Variants in SLA observed in about 807,000 individuals in gnomAD.
The protein encoded by SLA is src-like-adapter.
A neutral mutation model predicts 30.3 loss-of-function variants in SLA; 16 were observed. The observed-to-expected ratio is 0.53, with a 90% CI of 0.36 to 0.80. The LOEUF is 0.80. Among genes scored for constraint, SLA ranks in the 30% least tolerant of loss-of-function variants. SLA has a pLI of 0.01. For missense variants in SLA, 310 were observed against 345.2 expected (o/e 0.90, Z 0.81); for synonymous variants, 143 against 137.8 (o/e 1.04, Z -0.26).
chr8:133,057,024 T>A (rs1408113377), intron 3 of SLA, among the ~76,000 whole-genome samples: 2 of 152,166 alleles, frequency 1.3e-5, no homozygotes, highest in Non-Finnish European at 2.9e-5. Flanking sequence ...CGAAGACCAC[T>A]TACTGAGAAG....
In SLA at chr8:133,050,803, A is replaced by G. The variant is rs1480614808; in HGVS notation, c.161+13T>C. The G allele has an allele frequency of 1.9e-6, 3 of 1,544,560 alleles. No individual in the cohort carries two copies. Among genetic ancestry groups the G allele is most frequent in the South Asian group, 1.1e-5 (1 of 89,754 alleles). ...GCTTTGAAGATTGCACAAGTTTTGG[A>G]GAGCTGACTCACTCAGAAATCACAC... On this transcript the variant is annotated intron_variant, in intron 4 of 8. Coordinates refer to ENST00000338087, the MANE Select transcript of SLA (RefSeq NM_001045556.3).
At position 133,045,102 on chromosome 8, in the gene SLA, C is replaced by T; in HGVS notation, c.366G>A (p.Leu122=). ...ESETKKGFYS[L]SVRHRQVKHY... is the part of the protein sequence containing the mutation. The stretch of plus-strand genomic sequence containing the variant: ...GCTTTACCTGCCTGTGTCTCACCGA[C>T]AGTGAGTAAAACCCTGCAGGAGGTG... Residue 122 remains leucine (L), a synonymous_variant, in exon 7 of 9, where the codon CTG becomes CTA. Transcript: ENST00000338087. The T allele has an allele frequency of 6.2e-7, 1 of 1,614,214 alleles. No individual in the cohort carries two copies. The highest frequency in any genetic ancestry group is 8.5e-7 in the Non-Finnish European group (1 of 1,180,022).
At chr8:133,084,266 G>C (rs556226283) in intron 1 of SLA, among the ~76,000 whole-genome samples, 12 of 152,284 alleles carry the variant, frequency 7.9e-5, no homozygotes, top group African/African-American at 2.2e-4. Flanking sequence ...CACTGCTCTA[G>C]CTCTTCTCCT....
At chr8:133,087,350 A>G (rs1846756879) in intron 1 of SLA, among the ~76,000 whole-genome samples, 1 of 152,150 alleles carries the variant, frequency 6.6e-6, no homozygotes, top group Non-Finnish European at 1.5e-5. Flanking sequence ...AGAGTATGAA[A>G]AGGATTGCAT....
chr8:133,095,931 T>C (rs1288649699), intron 1 of SLA, among the ~76,000 whole-genome samples: 6 of 152,206 alleles, frequency 3.9e-5, no homozygotes, highest in Non-Finnish European at 7.3e-5. Context: ...CTCACCCACC[T>C]ACAGGCTCAG....
rs553077666 is a variant in SLA at position 133,090,572 on chromosome 8, G to A, written c.-319+11981C>T. On this transcript the variant is annotated intron_variant, in intron 1 of 8. Transcript: ENST00000338087. ...GCTCCCCATCAGCCTAGGTTGTAAC[G>A]AGGAGTTTCATCAAGTTACATTGTA... Among the ~76,000 whole-genome samples the A allele has an allele frequency of 5.3e-5, 8 of 152,320 alleles. No homozygotes were observed. The East Asian group carries it at 1.3e-3, about 26-fold the overall frequency.
chr8:133,042,681 T>C lies in SLA; in HGVS notation c.484+2303A>G, dbSNP rs1482206554. ...CACAATTCCTCTCATTCTGTGTCTT[T>C]TTTTTTTTTTTTTTTTTTTTTTTTT... is the stretch of plus-strand genomic sequence containing the variant. On this transcript the variant is annotated intron_variant, in intron 7 of 8. Transcript: ENST00000338087. Among the ~76,000 whole-genome samples, 3 of 81,334 alleles carry C rather than the reference T, an allele frequency of 3.7e-5. No individual in the cohort carries two copies. The East Asian group carries it at 9.3e-4, about 25-fold the overall frequency. 53.4% of individuals were successfully genotyped at this position (81,334 alleles called of 152,430 possible). A position where few individuals can be genotyped will look rare whatever the true frequency, so the allele number is the denominator to read the frequency against.
At chr8:133,040,273 G>GT in intron 7 of SLA, 143 bp from the exon 8 acceptor site, 1 of 876,574 alleles carries the variant, frequency 1.1e-6, no homozygotes, top group Non-Finnish European at 1.7e-6. Flanking sequence ...GGCATGGTAG[G>GT]TGGTGACAAT....
In SLA at chr8:133,073,853, C is replaced by T. The variant is rs138583537; in HGVS notation, c.-41+1000G>A. ...GTGACTTGGACAAGCCACCTAACTT[C>T]TCTGAGCCTCATTTCCTCAGTTTTC... On this transcript the variant is annotated intron_variant, in intron 2 of 8. Transcript: ENST00000338087. 4.0e-3 allele frequency among the ~76,000 whole-genome samples: 602 copies of T among 152,268 alleles called. 4 individuals carry two copies. Among genetic ancestry groups the T allele is most frequent in the African/African-American group, 0.014 (574 of 41,532 alleles).
At position 133,038,609 on chromosome 8, in the gene SLA, C is replaced by T. The variant is rs200951688; in HGVS notation, c.746G>A (p.Arg249Gln). 425 of 1,613,974 alleles carry T rather than the reference C, an allele frequency of 2.6e-4. No homozygotes were observed. Among genetic ancestry groups the T allele is most frequent in the Non-Finnish European group, 3.0e-4 (349 of 1,179,912 alleles). Residue 249 changes from arginine to glutamine, a missense_variant, in exon 9 of 9, where the codon CGA (arginine) becomes CAA (glutamine). By Grantham distance (43) the Arg-to-Gln change is conservative. Transcript: ENST00000338087. ...LTSEDNTSFD[R>Q]KKKSISLMYG... is the part of the protein sequence containing the mutation. ...CATCAGGGAGATGCTTTTCTTCTTT[C>T]GATCAAAGGAGGTGTTGTCCTCACT... is the stretch of plus-strand genomic sequence containing the variant.
chr8:133,057,907 G>A (rs1166950360), intron 3 of SLA, among the ~76,000 whole-genome samples: 1 of 152,184 alleles, frequency 6.6e-6, no homozygotes, highest in Non-Finnish European at 1.5e-5. Flanking sequence ...CTGGCCTCTG[G>A]GTGATCCTTG....
chr8:133,097,832 G>A (rs1251564375), intron 1 of SLA, among the ~76,000 whole-genome samples: 1 of 152,212 alleles, frequency 6.6e-6, no homozygotes. Context: ...TGTATGTAGA[G>A]AGAGAGAAAG....
chr8:133,038,550 A>C lies in SLA; in HGVS notation c.805T>G (p.Ser269Ala), dbSNP rs1837517253. 6.2e-7 allele frequency: 1 copy of C among 1,613,618 alleles called. No individual in the cohort carries two copies. Among genetic ancestry groups the C allele is most frequent in the South Asian group, 1.1e-5 (1 of 91,088 alleles). The change falls in exon 9 of 9, where the codon TCA becomes GCA. Residue 269 changes from serine (S) to alanine (A), a missense_variant. Physicochemically the swap from Ser to Ala is moderately conservative, Grantham distance 99. Transcript: ENST00000338087. ...TAGTCCTCAAAGTAAGGTGGTGATG[A>C]GAAGAATGAGCTCTTTCTCTTGCTG... is the stretch of plus-strand genomic sequence containing the variant. ...GGSKRKSSFFSSPPYFED is the reference protein window; with the variant it reads ...GGSKRKSSFFASPPYFED
chr8:133,093,854 G>T (rs1847974974), intron 1 of SLA, among the ~76,000 whole-genome samples: 1 of 152,236 alleles, frequency 6.6e-6, no homozygotes, highest in Non-Finnish European at 1.5e-5. Flanking sequence ...ACATGGGACA[G>T]TAAGAGCAAC....
chr8:133,040,188 G>A lies in SLA; in HGVS notation c.485-58C>T, dbSNP rs1394998621. On this transcript the variant is annotated intron_variant, in intron 7 of 8. Coordinates refer to ENST00000338087, the MANE Select transcript of SLA (RefSeq NM_001045556.3). Reference sequence around the variant, plus strand: ...CCTGGGGACGCCTCAGCCAGTGTGGGGTTCAGGCCTGAGACACTCTCCAGT... The same window carrying A: ...CCTGGGGACGCCTCAGCCAGTGTGGAGTTCAGGCCTGAGACACTCTCCAGT... 6 of 1,543,890 alleles carry A rather than the reference G, an allele frequency of 3.9e-6. No homozygotes were observed. In the Admixed American group the frequency reaches 7.8e-5, roughly 20 times the overall value.
chr8:133,053,053 G>A (rs962569364), intron 3 of SLA, among the ~76,000 whole-genome samples: 5 of 152,152 alleles, frequency 3.3e-5, no homozygotes, highest in Admixed American at 3.3e-4. Flanking sequence ...CAACTTGCCA[G>A]GCACCCTGGT....
intron 1 of SLA, among the ~76,000 whole-genome samples, chr8:133,091,634 G>A (rs191095993): frequency 1.7e-4 from 26 of 152,164 alleles, no homozygotes; most frequent in Non-Finnish European, 3.4e-4. Flanking sequence ...GTGTCTATGT[G>A]TGTGTATCTT....
rs192627877 is a variant in SLA at position 133,056,945 on chromosome 8, G to C, written c.61+3155C>G. Among the ~76,000 whole-genome samples the C allele has an allele frequency of 6.0e-4, 91 of 152,258 alleles. 1 individual carries two copies. Among genetic ancestry groups the C allele is most frequent in the African/African-American group, 2.1e-3 (88 of 41,538 alleles). On this transcript the variant is annotated intron_variant, in intron 3 of 8. Coordinates refer to ENST00000338087, the MANE Select transcript of SLA (RefSeq NM_001045556.3). ...TTCCACCATCCCCAGGTTCTGATTC[G>C]TGGGCCTGGGGTGGGACCCAGGAAT...
At chr8:133,075,708 T>C (rs1294180998) in intron 1 of SLA, among the ~76,000 whole-genome samples, 1 of 152,178 alleles carries the variant, frequency 6.6e-6, no homozygotes, top group Admixed American at 6.5e-5. Flanking sequence ...ACAAAAGTTA[T>C]TGTGGTTTCT....
Sources: gnomAD v4.1 joint callset for allele counts (sites outside exome capture counted in the v4.1 genomes callset) on GRCh38, gnomAD v4.1.1 for gene constraint, MANE v1.5 for transcripts, NCBI Gene and HGNC (gene_info 2026-07-23, HGNC 2026-07-21) for gene names.